The following WDR7 variants were observed in gnomAD, a reference collection of about 807,000 sequenced individuals.
WDR7 encodes the protein WD repeat domain 7, also known as WD repeat-containing protein 7.
A neutral mutation model predicts 169.4 loss-of-function variants in WDR7; 46 were observed. That is an observed-to-expected ratio of 0.27 (90% CI 0.21 to 0.35). The LOEUF is 0.35. WDR7 is among the 10% of genes least tolerant of loss of function. The pLI is 1.00. For synonymous variants in WDR7, 612 were observed against 666.8 expected, an observed-to-expected ratio of 0.92 and a Z score of 1.27; for missense variants, 1,534 against 1,859.3, an observed-to-expected ratio of 0.83 and a Z score of 3.22.
intron 14 of WDR7, among the ~76,000 whole-genome samples, chr18:56,742,091 T>C (rs9953230): frequency 6.6e-6 from 1 of 152,224 alleles, no homozygotes; most frequent in African/African-American, 2.4e-5. Flanking sequence ...CTTTGATGGT[T>C]TTAAATTCAG....
rs189945818 is a variant in WDR7, at chr18:56,794,180, A to G, written c.3190+12524A>G. Among the ~76,000 whole-genome samples, 49 of 151,868 alleles carry G rather than the reference A, an allele frequency of 3.2e-4. 1 individual carries two copies. The East Asian group carries it at 9.3e-3, about 29-fold the overall frequency. On this transcript the variant is annotated intron_variant, in intron 19 of 27. Coordinates refer to ENST00000254442, the MANE Select transcript of WDR7 (RefSeq NM_015285.3). ...TACCTGTTGCCTAGTTTCAATGGTTACTGACTCCTGGGTAATCTTATTTTC... is the reference window on the plus strand; with the variant it reads ...TACCTGTTGCCTAGTTTCAATGGTTGCTGACTCCTGGGTAATCTTATTTTC...
chr18:56,855,685 G>A (rs1197899233), intron 20 of WDR7, among the ~76,000 whole-genome samples: 2 of 152,170 alleles, frequency 1.3e-5, no homozygotes, highest in Non-Finnish European at 1.5e-5. Flanking sequence ...CCAATACCAT[G>A]CTGTTTTACT....
In WDR7 at chr18:56,821,812, G is replaced by T. The variant is rs778263818; in HGVS notation, c.3304+5668G>T. 5.9e-5 allele frequency among the ~76,000 whole-genome samples: 9 copies of T among 151,760 alleles called. 2 individuals are homozygous for T. The South Asian group carries it at 1.7e-3, about 28-fold the overall frequency. On this transcript the variant is annotated intron_variant, in intron 20 of 27. Transcript: ENST00000254442. ...GCATTTGAGACTATCCTACACAACA[G>T]GGAGATACCCTATCTCTACAAAAAA...
intron 14 of WDR7, among the ~76,000 whole-genome samples, chr18:56,737,318 T>A (rs562947004): frequency 1.3e-5 from 2 of 152,350 alleles, no homozygotes; most frequent in African/African-American, 4.8e-5. Flanking sequence ...GCTACATACA[T>A]GGTTCTTCGT....
chr18:56,714,219 T>C (rs2026143431), intron 12 of WDR7, among the ~76,000 whole-genome samples: 1 of 152,090 alleles, frequency 6.6e-6, no homozygotes, highest in Non-Finnish European at 1.5e-5. Flanking sequence ...AAAATTAGAT[T>C]TATTTTAATC....
At chr18:56,691,916 A>C in intron 9 of WDR7, 99 bp downstream of exon 9, 1 of 858,204 alleles carries the variant, frequency 1.2e-6, no homozygotes, top group Non-Finnish European at 1.7e-6. Context: ...ATTTGATACA[A>C]TTCAAAGCAC....
chr18:56,781,432 A>G, intron 18 of WDR7, 101 bp from the exon 19 acceptor site: 3 of 1,255,068 alleles, frequency 2.4e-6, no homozygotes, highest in Non-Finnish European at 3.1e-6. Context: ...TATGGTTTTT[A>G]TGTTTTCTAG....
At chr18:56,901,629 A>G (rs1347264544) in intron 21 of WDR7, among the ~76,000 whole-genome samples, 1 of 152,200 alleles carries the variant, frequency 6.6e-6, no homozygotes, top group Admixed American at 6.5e-5. Flanking sequence ...ATCTTTGATT[A>G]TAATGTACAA....
intron 15 of WDR7, 74 bp downstream of exon 15, chr18:56,757,426 T>TA: frequency 7.1e-7 from 1 of 1,410,366 alleles, no homozygotes; most frequent in Non-Finnish European, 9.4e-7. Flanking sequence ...CATTGTTGAT[T>TA]ACTCTTTTTT....
intron 26 of WDR7, among the ~76,000 whole-genome samples, chr18:56,969,691 G>A (rs1374815365): frequency 6.6e-6 from 1 of 152,132 alleles, no homozygotes; most frequent in Non-Finnish European, 1.5e-5. Context: ...TTTCATTAAT[G>A]CTTCTATTGA....
intron 23 of WDR7, 181 bp downstream of exon 23, chr18:56,936,086 G>T: frequency 1.9e-6 from 1 of 529,226 alleles, no homozygotes; most frequent in South Asian, 3.2e-5. Context: ...TCCACGGTGT[G>T]GTGCATTCAT....
intron 14 of WDR7, among the ~76,000 whole-genome samples, chr18:56,753,991 T>C (rs1212894291): frequency 1.3e-5 from 2 of 152,024 alleles, no homozygotes; most frequent in East Asian, 3.8e-4. Context: ...TGTATATGAT[T>C]ATATGTAATC....
intron 21 of WDR7, among the ~76,000 whole-genome samples, chr18:56,922,661 C>T (rs535393547): frequency 2.6e-5 from 4 of 152,090 alleles, no homozygotes; most frequent in Non-Finnish European, 5.9e-5. Context: ...TGTGTAGTTT[C>T]CTGGGGAAAG....
At chr18:56,960,554 A>G (rs536894371) in intron 25 of WDR7, among the ~76,000 whole-genome samples, 38 of 152,322 alleles carry the variant, frequency 2.5e-4, no homozygotes, top group African/African-American at 8.7e-4. Flanking sequence ...ATTATATTCT[A>G]TGTACCATAA....
intron 12 of WDR7, among the ~76,000 whole-genome samples, chr18:56,715,214 A>G (rs1297222315): frequency 6.6e-6 from 1 of 152,148 alleles, no homozygotes; most frequent in African/African-American, 2.4e-5. Flanking sequence ...AACTATGGTA[A>G]GGAGATCTTT....
intron 10 of WDR7, 30 bp from the exon 11 acceptor site, chr18:56,694,920 T>G: frequency 6.3e-7 from 1 of 1,575,512 alleles, no homozygotes; most frequent in Non-Finnish European, 8.6e-7. Flanking sequence ...CACAAATGTT[T>G]TTCTTTTATA....
At chr18:56,691,580 A>G in intron 8 of WDR7, 135 bp from the exon 9 acceptor site, 1 of 897,476 alleles carries the variant, frequency 1.1e-6, no homozygotes, top group Non-Finnish European at 1.6e-6. Flanking sequence ...ACATTATTTA[A>G]TTTAATGCCT....
chr18:56,793,041 T>A (rs1190951282), intron 19 of WDR7, among the ~76,000 whole-genome samples: 2 of 152,106 alleles, frequency 1.3e-5, no homozygotes, highest in Non-Finnish European at 2.9e-5. Context: ...ACTAACAGAG[T>A]GCCAGCTCAG....
At chr18:56,845,614 C>T (rs547878494) in intron 20 of WDR7, among the ~76,000 whole-genome samples, 1 of 151,552 alleles carries the variant, frequency 6.6e-6, no homozygotes, top group East Asian at 1.9e-4. Context: ...TTAAAATGGA[C>T]AAAACTCATT....
Sources: allele counts gnomAD v4.1 joint callset (sites outside exome capture counted in the v4.1 genomes callset), GRCh38; gene constraint gnomAD v4.1.1; transcripts MANE v1.5; gene names NCBI Gene and HGNC (gene_info 2026-07-23, HGNC 2026-07-21).